Variants in NKAIN2 observed in about 807,000 individuals in gnomAD.
The protein encoded by NKAIN2 is sodium/potassium transporting ATPase interacting 2, also known as sodium/potassium-transporting ATPase subunit beta-1-interacting protein 2.
A neutral mutation model predicts 32.6 loss-of-function variants in NKAIN2; 14 were observed. That is an observed-to-expected ratio of 0.43 (90% confidence interval 0.28 to 0.67). NKAIN2 has a LOEUF of 0.67. Ranked by LOEUF, NKAIN2 falls within the 30% of genes least tolerant of loss-of-function variation. The probability of loss-of-function intolerance (pLI) is 0.17; values close to 1 mark genes in which losing one functional copy is unlikely to be tolerated. For missense variants in NKAIN2, 198 were observed against 258.3 expected (o/e 0.77, Z 1.60); for synonymous variants, 80 against 87.2 (o/e 0.92, Z 0.46).
At chr6:124,300,511 A>G (rs1453741731) in intron 2 of NKAIN2, among the ~76,000 whole-genome samples, 1 of 152,178 alleles carries the variant, frequency 6.6e-6, no homozygotes, top group Admixed American at 6.5e-5. Context: ...CTGTAGAGAT[A>G]CCAGAAAATG....
intron 3 of NKAIN2, among the ~76,000 whole-genome samples, chr6:124,572,784 A>G (rs749289738): frequency 2.0e-5 from 3 of 152,216 alleles, no homozygotes; most frequent in Non-Finnish European, 2.9e-5. Flanking sequence ...TTAATTCCAT[A>G]TAAATATTTC....
chr6:124,816,788 G>T (rs910627454), intron 5 of NKAIN2, among the ~76,000 whole-genome samples: 3 of 152,084 alleles, frequency 2.0e-5, no homozygotes, highest in African/African-American at 7.2e-5. Context: ...AGGGCATTTT[G>T]ATTGTCTCTA....
At chr6:124,805,640 G>C (rs1780511320) in intron 5 of NKAIN2, among the ~76,000 whole-genome samples, 1 of 152,214 alleles carries the variant, frequency 6.6e-6, no homozygotes, top group Non-Finnish European at 1.5e-5. Flanking sequence ...AAGCTGGATG[G>C]AGAATGACTT....
At chr6:124,388,460 G>T (rs1245691686) in intron 3 of NKAIN2, among the ~76,000 whole-genome samples, 1 of 151,830 alleles carries the variant, frequency 6.6e-6, no homozygotes, top group Non-Finnish European at 1.5e-5. Context: ...GCTGGCCCAT[G>T]TGCCCCACTT....
At chr6:124,231,993 C>A (rs1462997401) in intron 1 of NKAIN2, among the ~76,000 whole-genome samples, 1 of 152,078 alleles carries the variant, frequency 6.6e-6, no homozygotes, top group South Asian at 2.1e-4. Flanking sequence ...TATGTGATTA[C>A]AATACAACAT....
chr6:123,845,145 G>A (rs1282560191), intron 1 of NKAIN2, among the ~76,000 whole-genome samples: 3 of 152,172 alleles, frequency 2.0e-5, no homozygotes, highest in African/African-American at 4.8e-5. Context: ...TACGCTTGGA[G>A]TGAATCAATA....
At chr6:124,023,354 C>T (rs538205476) in intron 1 of NKAIN2, among the ~76,000 whole-genome samples, 52 of 152,064 alleles carry the variant, frequency 3.4e-4, no homozygotes, top group Admixed American at 3.9e-4. Context: ...TTTTCTAATA[C>T]TCCTTCATTT....
Position 124,333,005 on chromosome 6 carries a change from A to G in NKAIN2, c.193-22262A>G, listed in dbSNP as rs559789073. ...ACTTCTATATATGTCTTCCTATTAA[A>G]TAACTAATTTAAATAAATATTATTA... is the stretch of plus-strand genomic sequence containing the variant. On this transcript the variant is annotated intron_variant, in intron 2 of 6. Transcript: ENST00000368417. Among the ~76,000 whole-genome samples, 16 of 152,314 alleles carry G rather than the reference A, an allele frequency of 1.1e-4. No homozygotes were observed. The East Asian group carries it at 1.4e-3, about 13-fold the overall frequency.
intron 1 of NKAIN2, among the ~76,000 whole-genome samples, chr6:123,974,771 A>G (rs1341709343): frequency 6.6e-6 from 1 of 152,216 alleles, no homozygotes; most frequent in Non-Finnish European, 1.5e-5. Context: ...TATGGCAGAC[A>G]TTATCTTCTG....
intron 3 of NKAIN2, among the ~76,000 whole-genome samples, chr6:124,634,664 C>A (rs552669748): frequency 6.6e-6 from 1 of 152,004 alleles, no homozygotes; most frequent in East Asian, 1.9e-4. Context: ...CCATAGAAAA[C>A]CTATTTAATG....
chr6:124,285,521 T>G (rs1446159258), intron 2 of NKAIN2, among the ~76,000 whole-genome samples: 1 of 152,138 alleles, frequency 6.6e-6, no homozygotes, highest in African/African-American at 2.4e-5. Context: ...ATTTCCTCTC[T>G]CCACTCAGAG....
At chr6:124,287,050 G>A (rs1420714864) in intron 2 of NKAIN2, among the ~76,000 whole-genome samples, 1 of 152,072 alleles carries the variant, frequency 6.6e-6, no homozygotes, top group African/African-American at 2.4e-5. Context: ...CTTAATTTAT[G>A]TAGATAATTT....
At chr6:124,551,835 T>A in intron 3 of NKAIN2, among the ~76,000 whole-genome samples, 1 of 152,250 alleles carries the variant, frequency 6.6e-6, no homozygotes, top group East Asian at 1.9e-4. Flanking sequence ...TGTGGTTTAA[T>A]TTTTCACTGG....
At chr6:124,706,368 C>G (rs556947629) in intron 4 of NKAIN2, among the ~76,000 whole-genome samples, 11 of 152,050 alleles carry the variant, frequency 7.2e-5, no homozygotes, top group African/African-American at 2.4e-4. Flanking sequence ...AGTTCAAATC[C>G]AAGCCTATCT....
chr6:124,494,475 C>CAA (rs1297147745), intron 3 of NKAIN2, among the ~76,000 whole-genome samples: 1 of 152,030 alleles, frequency 6.6e-6, no homozygotes, highest in African/African-American at 2.4e-5. Flanking sequence ...TGGCTTTTAT[C>CAA]AAACCTGTGT....
intron 2 of NKAIN2, among the ~76,000 whole-genome samples, chr6:124,341,196 A>T (rs2115083246): frequency 6.6e-6 from 1 of 152,300 alleles, no homozygotes; most frequent in South Asian, 2.1e-4. Flanking sequence ...GGAATTGATC[A>T]TAATATAAGC....
chr6:124,020,143 T>C (rs1481015609), intron 1 of NKAIN2, among the ~76,000 whole-genome samples: 2 of 152,144 alleles, frequency 1.3e-5, no homozygotes, highest in African/African-American at 4.8e-5. Context: ...CTTTTTTCTC[T>C]GAGACTCTGT....
At chr6:124,506,648 A>C (rs1265313526) in intron 3 of NKAIN2, among the ~76,000 whole-genome samples, 2 of 152,248 alleles carry the variant, frequency 1.3e-5, no homozygotes, top group African/African-American at 2.4e-5. Context: ...ACTAAAGCCC[A>C]AGAGACATTG....
At chr6:124,434,857 G>A (rs990359154) in intron 3 of NKAIN2, among the ~76,000 whole-genome samples, 8 of 152,142 alleles carry the variant, frequency 5.3e-5, no homozygotes, top group Non-Finnish European at 2.9e-5. Context: ...ATGGCTTATA[G>A]AGTTAAGTAT....
Sources: gnomAD v4.1 joint callset for allele counts (sites outside exome capture counted in the v4.1 genomes callset) on GRCh38, gnomAD v4.1.1 for gene constraint, MANE v1.5 for transcripts, NCBI Gene and HGNC (gene_info 2026-07-23, HGNC 2026-07-21) for gene names.